CENPE: variants seen among roughly 807,000 people sequenced by gnomAD.
The protein encoded by CENPE is centromere protein E.
CENPE carries 145 observed loss-of-function variants against 336.1 expected under a neutral mutation model. That is an observed-to-expected ratio of 0.43 (90% CI 0.38 to 0.50). The LOEUF (loss-of-function observed/expected upper bound fraction) is 0.50, where lower values mean the gene tolerates loss of function less well. CENPE is among the 20% of genes least tolerant of loss of function. The pLI, the probability that CENPE is intolerant of heterozygous loss-of-function variation, is 0.00. For missense variants in CENPE, 2,719 were observed against 3,023.3 expected, an observed-to-expected ratio of 0.90 and a Z score of 2.36; for synonymous variants, 1,013 against 984.8, an observed-to-expected ratio of 1.03 and a Z score of -0.54.
chr4:103,115,466 T>G (rs1461744187), intron 45 of CENPE, among the ~76,000 whole-genome samples: 1 of 152,102 alleles, frequency 6.6e-6, no homozygotes, highest in Non-Finnish European at 1.5e-5. Context: ...AAAATTGTTT[T>G]TATAATTAAG....
At chr4:103,155,329 A>G (rs1753877625) in intron 24 of CENPE, among the ~76,000 whole-genome samples, 1 of 151,956 alleles carries the variant, frequency 6.6e-6, no homozygotes, top group South Asian at 2.1e-4. Flanking sequence ...CTTTTTTTTT[A>G]GACAGGGTCT....
At position 103,138,460 on chromosome 4, in the gene CENPE, A is replaced by G. The variant is rs758033624; in HGVS notation, c.6205-11T>C. On this transcript the variant is annotated splice_polypyrimidine_tract_variant and intron_variant, in intron 38 of 48. Transcript: ENST00000265148. ...GTGGTTCTGTCGGTCCTGCTTTGGTAAAAAGAAAATAAACAGGGCTTTTGT... is the reference window on the plus strand; with the variant it reads ...GTGGTTCTGTCGGTCCTGCTTTGGTGAAAAGAAAATAAACAGGGCTTTTGT... The G allele has an allele frequency of 3.1e-6, 5 of 1,596,238 alleles. No homozygotes were observed. The East Asian group carries it at 8.9e-5, about 29-fold the overall frequency.
intron 11 of CENPE, chr4:103,181,663 A>AGACTATTCGGG: frequency 2.8e-6 from 1 of 360,496 alleles, no homozygotes. Flanking sequence ...GAGAATAAAA[A>AGACTATTCGGG]AGATATATTG....
chr4:103,185,897 TA>T (rs1363017869), intron 8 of CENPE, 36 bp from the exon 9 acceptor site: 8 of 1,381,254 alleles, frequency 5.8e-6, no homozygotes, highest in Non-Finnish European at 8.1e-6. Flanking sequence ...TTAGGGCAGA[TA>T]ATTTGAAATA....
chr4:103,134,771 TG>T (rs1391908980), intron 40 of CENPE, among the ~76,000 whole-genome samples: 2 of 152,166 alleles, frequency 1.3e-5, no homozygotes, highest in Non-Finnish European at 2.9e-5. Context: ...CCAGGATTTG[TG>T]GAAGAATTAC....
At chr4:103,140,693 T>C (rs1275173250) in intron 36 of CENPE, 121 bp downstream of exon 36, 4 of 783,342 alleles carry the variant, frequency 5.1e-6, no homozygotes, top group Non-Finnish European at 8.1e-6. Flanking sequence ...AGTGCCTTAT[T>C]ATTGGTGGAC....
chr4:103,166,111 C>A (rs573229790), intron 16 of CENPE, among the ~76,000 whole-genome samples: 1 of 151,898 alleles, frequency 6.6e-6, no homozygotes, highest in South Asian at 2.1e-4. Context: ...ACCACTTATC[C>A]CAAACGTTAG....
chr4:103,115,377 G>T (rs1023517564), intron 45 of CENPE, among the ~76,000 whole-genome samples: 1 of 151,968 alleles, frequency 6.6e-6, no homozygotes, highest in African/African-American at 2.4e-5. Context: ...CAGGTGATCT[G>T]CCTGCCTCAG....
At position 103,132,864 on chromosome 4, in the gene CENPE, G is replaced by T; in HGVS notation, c.6753C>A (p.Phe2251Leu). 2.7e-6 allele frequency: 4 copies of T among 1,490,040 alleles called. No homozygotes were observed. The highest frequency in any genetic ancestry group is 1.5e-5 in the South Asian group (1 of 67,094). 92.3% of individuals were successfully genotyped at this position (1,490,040 alleles called of 1,614,324 possible). ...GTTGAAATTCAGTCTTTATGCTAGG[G>T]AACTCACTTTCTGAGAAATCTTTGA... Reference protein sequence around the residue: ...EILKDFSESEFPSIKTEFQQV... With the variant: ...EILKDFSESELPSIKTEFQQV... The change falls in exon 42 of 49, where the codon TTC becomes TTA. Residue 2251 changes from phenylalanine to leucine, a missense_variant. Physicochemically the swap from Phe to Leu is conservative, Grantham distance 22 (BLOSUM62 0). Transcript: ENST00000265148.
chr4:103,153,814 C>A (rs984174368), intron 24 of CENPE, among the ~76,000 whole-genome samples: 11 of 152,158 alleles, frequency 7.2e-5, no homozygotes, highest in Middle Eastern at 6.8e-3. Flanking sequence ...TCTCCCACTC[C>A]CTGCAAATCT....
intron 8 of CENPE, among the ~76,000 whole-genome samples, chr4:103,186,865 G>C (rs1756818978): frequency 6.6e-6 from 1 of 152,134 alleles, no homozygotes; most frequent in Non-Finnish European, 1.5e-5. Flanking sequence ...AAAAGATCAA[G>C]GGAAACAGTA....
In CENPE at chr4:103,191,636, C is replaced by T. The variant is rs530693231; in HGVS notation, c.693+2593G>A. On this transcript the variant is annotated intron_variant, in intron 8 of 48. Coordinates refer to ENST00000265148, the MANE Select transcript of CENPE (RefSeq NM_001813.3). Reference sequence around the variant, plus strand: ...ACACAGGAAGGGGAACATCACACACCGGGGCCTGTTGTGGGGTGGGGGGAG... The same window carrying T: ...ACACAGGAAGGGGAACATCACACACTGGGGCCTGTTGTGGGGTGGGGGGAG... 2.4e-4 allele frequency among the ~76,000 whole-genome samples: 20 copies of T among 83,134 alleles called. No homozygotes were observed. The East Asian group carries it at 3.0e-3, about 12-fold the overall frequency. 54.5% of individuals were successfully genotyped at this position (83,134 alleles called of 152,430 possible).
At chr4:103,122,409 C>T (rs960701901) in intron 43 of CENPE, among the ~76,000 whole-genome samples, 1 of 152,094 alleles carries the variant, frequency 6.6e-6, no homozygotes, top group Non-Finnish European at 1.5e-5. Context: ...ACCTGCGTAA[C>T]AATCTTGTTA....
intron 33 of CENPE, among the ~76,000 whole-genome samples, chr4:103,143,944 T>A (rs1752776001): frequency 6.6e-6 from 1 of 152,132 alleles, no homozygotes; most frequent in Non-Finnish European, 1.5e-5. Context: ...TTTTATTTTA[T>A]TTTACTTTTT....
rs1757007407 is a variant in CENPE at position 103,188,520 on chromosome 4, A to G, written c.694-2659T>C. ...AAACCGCTCAACTGCATGGAAACTG[A>G]ACAACCTGCTCCTGAATGACTACTG... On this transcript the variant is annotated intron_variant, in intron 8 of 48. Transcript: ENST00000265148. 3.3e-5 allele frequency among the ~76,000 whole-genome samples: 5 copies of G among 152,228 alleles called. No homozygotes were observed. In the South Asian group the frequency reaches 8.3e-4, roughly 25 times the overall value.
intron 9 of CENPE, 91 bp from the exon 10 acceptor site, chr4:103,183,379 G>T: frequency 7.3e-6 from 7 of 963,396 alleles, no homozygotes; most frequent in Non-Finnish European, 9.6e-6. Flanking sequence ...AGAAATTAGA[G>T]GGCAGATGCT....
chr4:103,148,812 G>C, intron 28 of CENPE, 32 bp downstream of exon 28: 1 of 1,585,582 alleles, frequency 6.3e-7, no homozygotes, highest in Non-Finnish European at 8.6e-7. Context: ...GAAGGAAGAA[G>C]TGACAAAGGA....
In CENPE at chr4:103,105,920, T is replaced by G. The variant is rs1405686386; in HGVS notation, c.*302A>C. On this transcript the variant is annotated 3_prime_UTR_variant, in exon 49 of 49. Coordinates refer to ENST00000265148, the MANE Select transcript of CENPE (RefSeq NM_001813.3). ...GTATGTATTATGCTTTGGAATATGC[T>G]AAGTCATGTAGATAACTTTACATTT... 3 of 196,744 alleles carry G rather than the reference T, an allele frequency of 1.5e-5. No homozygotes were observed. Among genetic ancestry groups the G allele is most frequent in the Non-Finnish European group, 3.1e-5 (3 of 97,428 alleles). The allele number at this position is 196,744 out of a possible 1,614,324, so 12.2% of individuals were successfully genotyped here. A position where few individuals can be genotyped will look rare whatever the true frequency, so the allele number is the denominator to read the frequency against.
At chr4:103,142,788 T>A (rs1752676883) in intron 34 of CENPE, among the ~76,000 whole-genome samples, 1 of 151,884 alleles carries the variant, frequency 6.6e-6, no homozygotes, top group Non-Finnish European at 1.5e-5. Flanking sequence ...GGCGGGTGGA[T>A]CATGAGGTCA....
Sources: gnomAD v4.1 joint callset for allele counts (sites outside exome capture counted in the v4.1 genomes callset) on GRCh38, gnomAD v4.1.1 for gene constraint, MANE v1.5 for transcripts, NCBI Gene and HGNC (gene_info 2026-07-23, HGNC 2026-07-21) for gene names.